CPED1: variants seen among roughly 807,000 people sequenced by gnomAD.
The protein encoded by CPED1 is cadherin like and PC-esterase domain containing 1.
CPED1 carries 114 observed loss-of-function variants against 128.2 expected under a neutral mutation model. That is an observed-to-expected ratio of 0.89 (90% CI 0.76 to 1.04). The LOEUF is 1.04. Among genes scored for constraint, CPED1 ranks in the 50% least tolerant of loss-of-function variants. The probability of loss-of-function intolerance (pLI) is 0.00; values close to 1 mark genes in which losing one functional copy is unlikely to be tolerated. For synonymous variants in CPED1, 462 were observed against 426.7 expected, an observed-to-expected ratio of 1.08 and a Z score of -1.02; for missense variants, 1,211 against 1,207.1, an observed-to-expected ratio of 1.00 and a Z score of -0.05.
intron 5 of CPED1, among the ~76,000 whole-genome samples, 189 bp downstream of exon 5, chr7:121,064,502 C>G (rs553522109): frequency 4.6e-5 from 7 of 152,176 alleles, no homozygotes; most frequent in East Asian, 1.9e-4. Flanking sequence ...ACAACCGTAA[C>G]GTAACACTGG....
chr7:121,164,545 G>A (rs567665253), intron 16 of CPED1, among the ~76,000 whole-genome samples: 1 of 152,268 alleles, frequency 6.6e-6, no homozygotes, highest in East Asian at 1.9e-4. Flanking sequence ...GTAGGTTTAG[G>A]ATGGGGCTCA....
chr7:121,226,669 C>T (rs1373880150), intron 16 of CPED1, among the ~76,000 whole-genome samples: 1 of 151,998 alleles, frequency 6.6e-6, no homozygotes, highest in Non-Finnish European at 1.5e-5. Context: ...ATTTCAAATG[C>T]CCTCCATAAA....
intron 22 of CPED1, among the ~76,000 whole-genome samples, chr7:121,277,354 A>G (rs113152394): frequency 0.011 from 1,744 of 152,226 alleles, 32 homozygotes; most frequent in African/African-American, 0.04. Context: ...GGATATACAA[A>G]TATGACACTG....
At position 121,033,781 on chromosome 7, in the gene CPED1, C is replaced by T. The variant is rs1327846549; in HGVS notation, c.434-13106C>T. 5.3e-5 allele frequency among the ~76,000 whole-genome samples: 8 copies of T among 152,198 alleles called. No individual in the cohort carries two copies. In the East Asian group the frequency reaches 1.3e-3, roughly 26 times the overall value. ...AAATACTGTGGCATTAAGTAATAAG[C>T]CATTGAGAGACAGTTGATTCTTTTT... is the stretch of plus-strand genomic sequence containing the variant. On this transcript the variant is annotated intron_variant, in intron 3 of 22. Transcript: ENST00000310396.
intron 5 of CPED1, among the ~76,000 whole-genome samples, chr7:121,085,839 T>C (rs1307004039): frequency 6.6e-6 from 1 of 152,188 alleles, no homozygotes; most frequent in Non-Finnish European, 1.5e-5. Context: ...CATTTCCTAT[T>C]TGGGGGGTTG....
intron 17 of CPED1, among the ~76,000 whole-genome samples, chr7:121,240,133 G>A (rs1179101299): frequency 6.6e-6 from 1 of 152,164 alleles, no homozygotes. Flanking sequence ...AACCACTGGG[G>A]CCAAGTTTTC....
At chr7:121,036,508 T>TATATATATATA (rs561110849) in intron 3 of CPED1, among the ~76,000 whole-genome samples, 1 of 130,630 alleles carries the variant, frequency 7.7e-6, no homozygotes, top group African/African-American at 3.1e-5. Flanking sequence ...TATATATATA[T>TATATATATATA]TTTTTTTTTC....
intron 5 of CPED1, among the ~76,000 whole-genome samples, chr7:121,075,395 A>G (rs923951345): frequency 1.3e-5 from 2 of 152,170 alleles, no homozygotes; most frequent in African/African-American, 4.8e-5. Flanking sequence ...ATGATTTAAT[A>G]CTGCATTTTT....
chr7:121,082,016 A>G (rs1382357673), intron 5 of CPED1, among the ~76,000 whole-genome samples: 1 of 152,154 alleles, frequency 6.6e-6, no homozygotes. Flanking sequence ...ATGTTTTGAT[A>G]TGAATTTTAA....
intron 22 of CPED1, among the ~76,000 whole-genome samples, chr7:121,295,141 A>ACACT (rs1491498193): frequency 7.2e-5 from 1 of 13,914 alleles, no homozygotes; most frequent in Non-Finnish European, 1.7e-4. Context: ...TGGCCTGAAA[A>ACACT]CACACACACA....
intron 16 of CPED1, among the ~76,000 whole-genome samples, chr7:121,163,775 C>T (rs1232095299): frequency 6.6e-6 from 1 of 152,140 alleles, no homozygotes; most frequent in Admixed American, 6.5e-5. Context: ...TGGAGCCTCA[C>T]AACAAGACAG....
At chr7:121,271,754 A>G (rs1307501590) in intron 22 of CPED1, among the ~76,000 whole-genome samples, 1 of 151,986 alleles carries the variant, frequency 6.6e-6, no homozygotes, top group Non-Finnish European at 1.5e-5. Context: ...ATTGCATCCA[A>G]AAAAAAGGTG....
chr7:121,295,140 A>AACAC (rs35927183), intron 22 of CPED1, among the ~76,000 whole-genome samples: 6,417 of 145,790 alleles, frequency 0.044, 250 homozygotes, highest in African/African-American at 0.096. Context: ...CTGGCCTGAA[A>AACAC]ACACACACAC....
intron 3 of CPED1, among the ~76,000 whole-genome samples, chr7:121,024,082 C>T (rs1226007991): frequency 2.0e-5 from 3 of 152,066 alleles, no homozygotes; most frequent in Non-Finnish European, 4.4e-5. Flanking sequence ...TTATGACACA[C>T]AGTAATTGTA....
At chr7:121,130,345 C>T (rs1183095911) in intron 12 of CPED1, 51 bp downstream of exon 12, 1 of 1,470,676 alleles carries the variant, frequency 6.8e-7, no homozygotes, top group Non-Finnish European at 9.1e-7. Context: ...CTCTAGTTTA[C>T]AGATTGATTT....
intron 18 of CPED1, among the ~76,000 whole-genome samples, chr7:121,255,271 A>G (rs1180776015): frequency 6.6e-6 from 1 of 152,140 alleles, no homozygotes; most frequent in Non-Finnish European, 1.5e-5. Context: ...AAATCAGTAA[A>G]TGTGATTCAC....
At position 121,244,231 on chromosome 7, in the gene CPED1, T is replaced by A. The variant is rs1427592244; in HGVS notation, c.2203T>A (p.Ser735Thr). 6.2e-7 allele frequency: 1 copy of A among 1,614,164 alleles called. No homozygotes were observed. Among genetic ancestry groups the A allele is most frequent in the Non-Finnish European group, 8.5e-7 (1 of 1,180,006 alleles). The stretch of plus-strand genomic sequence containing the variant: ...GTGGATTGTGCCTTGCCTTAGTTGT[T>A]CGGACAACAGGACGTGTGACTGGAG... ...GQWIVPCLSC[S>T]DNRTCDWREI... The change falls in exon 18 of 23, where the codon TCG (serine) becomes ACG (threonine). Residue 735 changes from serine to threonine, a missense_variant. Coordinates refer to ENST00000310396, the MANE Select transcript of CPED1 (RefSeq NM_024913.5).
rs143891084 is a variant in CPED1 at position 121,078,325 on chromosome 7, G to A, written c.616+14012G>A. 1.5e-3 allele frequency among the ~76,000 whole-genome samples: 223 copies of A among 152,146 alleles called. 2 individuals carry two copies. The highest frequency in any genetic ancestry group is 6.8e-3 in the Middle Eastern group (2 of 292). ...CCCAAAGTGCTGGGATTACAGGTGT[G>A]AGCCACTGCACGTGGCCTGATTTGT... On this transcript the variant is annotated intron_variant, in intron 5 of 22. Transcript: ENST00000310396.
Position 121,046,990 on chromosome 7 carries a change from A to G in CPED1, c.537A>G (p.Gln179=), listed in dbSNP as rs1207486227. The part of the protein sequence containing the change: ...KEVMCQLGLH[Q]KANRLPEIQQ... ...TCATGTGCCAGTTAGGTTTACATCAAAAGGTAAATACTCTCAAGATGTGCA... is the reference window on the plus strand; with the variant it reads ...TCATGTGCCAGTTAGGTTTACATCAGAAGGTAAATACTCTCAAGATGTGCA... Residue 179 remains glutamine, a synonymous_variant, in exon 4 of 23, where the codon CAA becomes CAG. Coordinates refer to ENST00000310396, the MANE Select transcript of CPED1 (RefSeq NM_024913.5). The G allele has an allele frequency of 1.3e-6, 2 of 1,588,530 alleles. No homozygotes were observed. The highest frequency in any genetic ancestry group is 3.3e-5 in the Admixed American group (2 of 59,882).
Sources: allele counts gnomAD v4.1 joint callset (sites outside exome capture counted in the v4.1 genomes callset), GRCh38; gene constraint gnomAD v4.1.1; transcripts MANE v1.5; gene names NCBI Gene and HGNC (gene_info 2026-07-23, HGNC 2026-07-21).